The following BORCS5 variants were observed in gnomAD, a reference collection of about 807,000 sequenced individuals.
BORCS5 encodes BLOC-1-related complex subunit 5.
Under a neutral mutation model 22.1 loss-of-function variants are expected in BORCS5, and 17 were observed. The observed-to-expected ratio is 0.77, with a 90% confidence interval of 0.53 to 1.15. BORCS5 has a LOEUF of 1.15. BORCS5 is among the 50% of genes most tolerant of loss of function. The probability of loss-of-function intolerance (pLI) is 0.00; values close to 1 mark genes in which losing one functional copy is unlikely to be tolerated. For missense variants in BORCS5, 247 were observed against 253.2 expected, an observed-to-expected ratio of 0.98 and a Z score of 0.17; for synonymous variants, 117 against 99.8, an observed-to-expected ratio of 1.17 and a Z score of -1.03.
intron 1 of BORCS5, among the ~76,000 whole-genome samples, chr12:12,359,413 G>A (rs1863224774): frequency 6.7e-6 from 1 of 148,446 alleles, no homozygotes; most frequent in Admixed American, 6.8e-5. Flanking sequence ...CTAGGCTGGA[G>A]TGCTGTGGCA....
At chr12:12,464,036 C>T (rs1164052604) in intron 3 of BORCS5, among the ~76,000 whole-genome samples, 1 of 152,096 alleles carries the variant, frequency 6.6e-6, no homozygotes, top group Non-Finnish European at 1.5e-5. Flanking sequence ...GAGTGTTTCT[C>T]AGTGCTCATT....
At chr12:12,366,895 G>A (rs890725495) in intron 2 of BORCS5, among the ~76,000 whole-genome samples, 1 of 152,104 alleles carries the variant, frequency 6.6e-6, no homozygotes, top group Non-Finnish European at 1.5e-5. Flanking sequence ...TACTGACCTT[G>A]GATACAACGT....
intron 2 of BORCS5, among the ~76,000 whole-genome samples, chr12:12,418,598 G>T (rs147174563): frequency 1.3e-5 from 2 of 152,266 alleles, no homozygotes; most frequent in South Asian, 4.1e-4. Context: ...AAGGCAGGAG[G>T]ATTGTTTGAG....
At chr12:12,392,766 C>CTACCTCCCAATAA (rs1160868386) in intron 2 of BORCS5, among the ~76,000 whole-genome samples, 1 of 152,130 alleles carries the variant, frequency 6.6e-6, no homozygotes, top group Non-Finnish European at 1.5e-5. Flanking sequence ...AAACCAAACT[C>CTACCTCCCAATAA]TACCTCCCAA....
intron 3 of BORCS5, among the ~76,000 whole-genome samples, chr12:12,461,635 C>G (rs988867717): frequency 2.0e-5 from 3 of 152,152 alleles, no homozygotes; most frequent in Admixed American, 1.3e-4. Flanking sequence ...TCATGATCTG[C>G]CAACTCAAAG....
chr12:12,450,739 C>T (rs1942892652), intron 3 of BORCS5, among the ~76,000 whole-genome samples: 1 of 152,204 alleles, frequency 6.6e-6, no homozygotes. Context: ...GGCTTCACTG[C>T]TAGTACGAGC....
chr12:12,449,635 G>A (rs1019250728), intron 3 of BORCS5, among the ~76,000 whole-genome samples: 3 of 152,164 alleles, frequency 2.0e-5, no homozygotes, highest in Non-Finnish European at 4.4e-5. Context: ...TAATTCTTTT[G>A]AAGACCTGAA....
chr12:12,389,530 C>T (rs190838208), intron 2 of BORCS5, among the ~76,000 whole-genome samples: 1 of 142,480 alleles, frequency 7.0e-6, no homozygotes, highest in Admixed American at 6.8e-5. Context: ...TTATGTGATT[C>T]CTCTGCAGAA....
chr12:12,422,615 A>G (rs1388510434), intron 2 of BORCS5, among the ~76,000 whole-genome samples: 3 of 152,106 alleles, frequency 2.0e-5, no homozygotes, highest in Admixed American at 6.5e-5. Flanking sequence ...GAAAAAAAAA[A>G]AGTAAAAGAA....
chr12:12,452,702 C>T (rs1030069), intron 3 of BORCS5, among the ~76,000 whole-genome samples: 92,682 of 152,080 alleles, frequency 0.61, 29,387 homozygotes, highest in African/African-American at 0.78. Context: ...CAGCCTGTGG[C>T]GTAATTAAGG....
chr12:12,396,565 C>T (rs1011148615), intron 2 of BORCS5, among the ~76,000 whole-genome samples: 1 of 152,046 alleles, frequency 6.6e-6, no homozygotes, highest in Admixed American at 6.6e-5. Flanking sequence ...TGGCAAATGT[C>T]ACCGTACTGA....
chr12:12,440,579 G>A (rs1942661961), intron 3 of BORCS5, among the ~76,000 whole-genome samples: 1 of 149,198 alleles, frequency 6.7e-6, no homozygotes, highest in Non-Finnish European at 1.5e-5. Context: ...ATATCCTGGA[G>A]CAGACGGGGT....
In BORCS5 at chr12:12,470,676, G is replaced by GT. The variant is rs10647835; in HGVS notation, c.*4912dup. 0.076 allele frequency among the ~76,000 whole-genome samples: 11,035 copies of GT among 146,134 alleles called. 501 individuals are homozygous for GT. The highest frequency in any genetic ancestry group is 0.18 in the East Asian group (910 of 5,048). On this transcript the variant is annotated 3_prime_UTR_variant, in exon 4 of 4. Transcript: ENST00000314565. ...ATAAATAACATTGAATTTCATGTGG[G>GT]TTTTTTTTTTTTGACACACCAGGCA...
At chr12:12,430,725 A>G (rs1379097555) in intron 2 of BORCS5, among the ~76,000 whole-genome samples, 1 of 152,168 alleles carries the variant, frequency 6.6e-6, no homozygotes. Context: ...GCCTCCATCT[A>G]ATTCTTATAT....
intron 2 of BORCS5, among the ~76,000 whole-genome samples, chr12:12,369,849 C>T (rs1231848570): frequency 1.3e-5 from 2 of 150,558 alleles, no homozygotes; most frequent in African/African-American, 4.9e-5. Context: ...CTCAGCCTCC[C>T]GAGTAGCTGG....
chr12:12,433,268 T>C (rs1272199227), intron 2 of BORCS5, among the ~76,000 whole-genome samples: 1 of 135,950 alleles, frequency 7.4e-6, no homozygotes, highest in East Asian at 2.2e-4. Context: ...TTCAGTGAGC[T>C]GAGGAGATCA....
At chr12:12,370,963 G>A (rs541831471) in intron 2 of BORCS5, among the ~76,000 whole-genome samples, 8 of 152,052 alleles carry the variant, frequency 5.3e-5, no homozygotes, top group Non-Finnish European at 8.8e-5. Context: ...GTTAGCCAGG[G>A]TGGTCTCGAT....
At chr12:12,388,150 T>G (rs1302997800) in intron 2 of BORCS5, among the ~76,000 whole-genome samples, 2 of 151,462 alleles carry the variant, frequency 1.3e-5, no homozygotes, top group East Asian at 3.9e-4. Flanking sequence ...CCATGCTTAT[T>G]ATGTATATCA....
intron 3 of BORCS5, among the ~76,000 whole-genome samples, chr12:12,454,519 G>C (rs1294041221): frequency 3.3e-5 from 5 of 152,182 alleles, no homozygotes; most frequent in African/African-American, 1.2e-4. Flanking sequence ...GCCAGATTTT[G>C]CCCTAGGGAC....
Sources: gnomAD v4.1 joint callset for allele counts (sites outside exome capture counted in the v4.1 genomes callset) on GRCh38, gnomAD v4.1.1 for gene constraint, MANE v1.5 for transcripts, NCBI Gene and HGNC (gene_info 2026-07-23, HGNC 2026-07-21) for gene names.